Variants in PRKDC observed in about 807,000 individuals in gnomAD.
The protein encoded by PRKDC is DNA-dependent protein kinase catalytic subunit.
PRKDC carries 82 observed loss-of-function variants against 486.9 expected under a neutral mutation model. The ratio of observed to expected loss-of-function variants is 0.17; its 90% CI spans 0.14 to 0.20. The LOEUF is 0.20. Among genes scored for constraint, PRKDC ranks in the 10% least tolerant of loss-of-function variants. The pLI is 1.00. For synonymous variants in PRKDC, 1,895 were observed against 1,837.0 expected, an observed-to-expected ratio of 1.03 and a Z score of -0.81; for missense variants, 4,504 against 5,038.2, an observed-to-expected ratio of 0.89 and a Z score of 3.21.
chr8:47,795,300 C>CTA (rs930376270), intron 73 of PRKDC, among the ~76,000 whole-genome samples: 4 of 149,336 alleles, frequency 2.7e-5, no homozygotes, highest in African/African-American at 9.9e-5. Flanking sequence ...CGCCATTCTC[C>CTA]TACTTCAGCC....
In PRKDC at chr8:47,864,747, G is replaced by T; in HGVS notation, c.5380C>A (p.Gln1794Lys). Residue 1794 changes from glutamine (Q) to lysine (K), a missense_variant, in exon 41 of 86, where the codon CAA becomes AAA. Around this residue, in one of 6 missense-constraint regions of PRKDC, gnomAD observed 1,969 missense variants for 2,068.9 expected, o/e 0.95. Coordinates refer to ENST00000314191, the MANE Select transcript of PRKDC (RefSeq NM_006904.7). ...RIARRGSCVT[Q>K]VGLLESVYEM... ...TACACGCTTTCCAGAAGGCCTACTTGTGTGACACATGAACCCCTAAGAAAA... is the reference window on the plus strand; with the variant it reads ...TACACGCTTTCCAGAAGGCCTACTTTTGTGACACATGAACCCCTAAGAAAA... The T allele has an allele frequency of 6.3e-7, 1 of 1,595,420 alleles. No individual in the cohort carries two copies. Among genetic ancestry groups the T allele is most frequent in the Non-Finnish European group, 8.6e-7 (1 of 1,169,436 alleles).
At chr8:47,880,509 A>C (rs534662894) in intron 38 of PRKDC, among the ~76,000 whole-genome samples, 4 of 152,214 alleles carry the variant, frequency 2.6e-5, no homozygotes, top group Non-Finnish European at 5.9e-5. Flanking sequence ...TCCAGTAAAA[A>C]GGTCCCTTGA....
rs7814331 is a variant in PRKDC, at chr8:47,869,813, G to A, written c.5364-5050C>T. Among the ~76,000 whole-genome samples, 1,513 of 152,214 alleles carry A rather than the reference G, an allele frequency of 9.9e-3. 28 individuals carry two copies. The highest frequency in any genetic ancestry group is 0.034 in the African/African-American group (1,398 of 41,532). ...CAGAGGGGAGCCCACTACCCTGAAG[G>A]GAGAAACTCAGGACTGGCAGCATTC... On this transcript the variant is annotated intron_variant, in intron 40 of 85. Transcript: ENST00000314191.
intron 74 of PRKDC, among the ~76,000 whole-genome samples, 194 bp downstream of exon 74, chr8:47,794,096 A>G (rs1233036269): frequency 6.6e-6 from 1 of 152,250 alleles, no homozygotes; most frequent in Non-Finnish European, 1.5e-5. Context: ...AGATGAAAGT[A>G]TTTAAAGGAG....
chr8:47,887,997 G>A (rs554725624), intron 34 of PRKDC, among the ~76,000 whole-genome samples: 1 of 151,960 alleles, frequency 6.6e-6, no homozygotes, highest in Non-Finnish European at 1.5e-5. Context: ...CTGGGACTAC[G>A]GGTCCGCGGC....
At chr8:47,810,787 T>C (rs1433405670) in intron 68 of PRKDC, among the ~76,000 whole-genome samples, 2 of 151,872 alleles carry the variant, frequency 1.3e-5, no homozygotes. Flanking sequence ...ATACCTAAGA[T>C]AAAACAGTCA....
chr8:47,885,907 CA>C, intron 36 of PRKDC, 36 bp downstream of exon 36: 17 of 1,582,532 alleles, frequency 1.1e-5, no homozygotes, highest in Admixed American at 1.7e-5. Flanking sequence ...AACAAACAAA[CA>C]AAAAAAACAG....
At chr8:47,930,172 G>A (rs993940490) in intron 17 of PRKDC, among the ~76,000 whole-genome samples, 160 bp from the exon 18 acceptor site, 1 of 152,158 alleles carries the variant, frequency 6.6e-6, no homozygotes, top group Non-Finnish European at 1.5e-5. Flanking sequence ...TTCTCTACCT[G>A]AGGATCTTTT....
At chr8:47,891,841 C>G (rs80143396) in intron 31 of PRKDC, among the ~76,000 whole-genome samples, 2 of 152,106 alleles carry the variant, frequency 1.3e-5, no homozygotes, top group Admixed American at 6.6e-5. Context: ...TTAGAATAAA[C>G]CAAATATGGC....
At chr8:47,804,779 TG>T (rs2087184947) in intron 69 of PRKDC, among the ~76,000 whole-genome samples, 1 of 152,084 alleles carries the variant, frequency 6.6e-6, no homozygotes, top group Non-Finnish European at 1.5e-5. Flanking sequence ...GTTTTGTTTT[TG>T]AGGCAAAGTT....
chr8:47,916,341 A>G (rs538574765), intron 22 of PRKDC, among the ~76,000 whole-genome samples: 2 of 152,144 alleles, frequency 1.3e-5, no homozygotes, highest in South Asian at 4.2e-4. Flanking sequence ...CCAGCTCCTC[A>G]GAAGGCTGAG....
intron 13 of PRKDC, 76 bp downstream of exon 13, chr8:47,935,656 A>G: frequency 6.9e-7 from 1 of 1,443,124 alleles, no homozygotes; most frequent in Non-Finnish European, 9.3e-7. Flanking sequence ...TTTGGTAACC[A>G]GATTCTCTTT....
chr8:47,781,607 T>C lies in PRKDC; in HGVS notation c.11489+555A>G, dbSNP rs7009245. Among the ~76,000 whole-genome samples the C allele has an allele frequency of 1.8e-3, 268 of 152,278 alleles. 1 individual carries two copies. Among genetic ancestry groups the C allele is most frequent in the African/African-American group, 6.4e-3 (264 of 41,564 alleles). On this transcript the variant is annotated intron_variant, in intron 80 of 85. Coordinates refer to ENST00000314191, the MANE Select transcript of PRKDC (RefSeq NM_006904.7). ...AACAAAAAGGAAATAAAAAAAACCT[T>C]GTGGTTAAAATGTACATGTTAATTG...
Position 47,898,575 on chromosome 8 carries a change from C to G in PRKDC, c.3365-6G>C. On this transcript the variant is annotated splice_polypyrimidine_tract_variant and splice_region_variant and intron_variant, in intron 28 of 85. Transcript: ENST00000314191. ...ACAACACTGTTGAATTGTACCTGTT[C>G]TCAAGTACAGAGACATATTTCCAAA... 7.2e-7 allele frequency: 1 copy of G among 1,393,598 alleles called. No homozygotes were observed. The allele number at this position is 1,393,598 out of a possible 1,614,324, so 86.3% of individuals were successfully genotyped here.
At position 47,849,535 on chromosome 8, in the gene PRKDC, A is replaced by G. The variant is rs772002582; in HGVS notation, c.7006-32T>C. The G allele has an allele frequency of 2.5e-6, 4 of 1,606,618 alleles. No homozygotes were observed. In the South Asian group the frequency reaches 4.4e-5, roughly 18 times the overall value. ...AATTAAGTTTATTTTCAAATACACA[A>G]AAGTGGAAATGTAGGTTAAGCATTG... is the stretch of plus-strand genomic sequence containing the variant. On this transcript the variant is annotated intron_variant, in intron 52 of 85. Transcript: ENST00000314191.
intron 77 of PRKDC, 182 bp from the exon 78 acceptor site, chr8:47,783,991 G>C: frequency 1.7e-6 from 1 of 604,970 alleles, no homozygotes; most frequent in Non-Finnish European, 2.9e-6. Context: ...GGGCACAGTG[G>C]CTCACGCCTG....
In PRKDC at chr8:47,899,428, G is replaced by C. The variant is rs371622472; in HGVS notation, c.3365-859C>G. ...TGGGAGGCTGAGGCAGGTGGATCACGTAAGGTCAGGAGTTATAGACCAGCC... is the reference window on the plus strand; with the variant it reads ...TGGGAGGCTGAGGCAGGTGGATCACCTAAGGTCAGGAGTTATAGACCAGCC... On this transcript the variant is annotated intron_variant, in intron 28 of 85. Coordinates refer to ENST00000314191, the MANE Select transcript of PRKDC (RefSeq NM_006904.7). Among the ~76,000 whole-genome samples the C allele has an allele frequency of 1.8e-4, 28 of 152,162 alleles. 1 individual carries two copies. Among genetic ancestry groups the C allele is most frequent in the African/African-American group, 6.5e-4 (27 of 41,510 alleles).
intron 35 of PRKDC, 46 bp from the exon 36 acceptor site, chr8:47,886,193 C>T: frequency 6.8e-7 from 1 of 1,467,462 alleles, no homozygotes; most frequent in Non-Finnish European, 9.1e-7. Flanking sequence ...CACATCTTTG[C>T]ATGGCACAGA....
chr8:47,834,683 T>C (rs956163619), intron 58 of PRKDC, among the ~76,000 whole-genome samples: 1 of 134,560 alleles, frequency 7.4e-6, no homozygotes, highest in African/African-American at 3.4e-5. Context: ...TAAGAACCCC[T>C]GACTTTTTTT....
Sources: gnomAD v4.1 joint callset for allele counts (sites outside exome capture counted in the v4.1 genomes callset) on GRCh38, gnomAD v4.1.1 for gene constraint, gnomAD v4.1.1 regional missense constraint, MANE v1.5 for transcripts, NCBI Gene and HGNC (gene_info 2026-07-23, HGNC 2026-07-21) for gene names.